The following FGGY variants were observed in gnomAD, a reference collection of about 807,000 sequenced individuals.
FGGY encodes FGGY carbohydrate kinase domain containing.
A neutral mutation model predicts 71.3 loss-of-function variants in FGGY; 72 were observed. The observed-to-expected ratio is 1.01, with a 90% CI of 0.84 to 1.23. The LOEUF is 1.23. Among genes scored for constraint, FGGY ranks in the 50% most tolerant of loss-of-function variants. FGGY has a pLI of 0.00. For missense variants in FGGY, 668 were observed against 682.3 expected, an observed-to-expected ratio of 0.98 and a Z score of 0.23; for synonymous variants, 251 against 250.3, an observed-to-expected ratio of 1.00 and a Z score of -0.02.
chr1:59,674,289 A>T (rs1023307568), intron 14 of FGGY, among the ~76,000 whole-genome samples, 156 bp downstream of exon 14: 18 of 152,144 alleles, frequency 1.2e-4, no homozygotes, highest in African/African-American at 4.3e-4. Context: ...AGCCTCAGAC[A>T]TATTTATTGC....
intron 4 of FGGY, among the ~76,000 whole-genome samples, chr1:59,374,683 A>G (rs1210682607): frequency 6.6e-6 from 1 of 152,146 alleles, no homozygotes; most frequent in Non-Finnish European, 1.5e-5. Context: ...GACTGGATTA[A>G]GAAAATGTGG....
intron 2 of FGGY, 46 bp downstream of exon 2, chr1:59,321,796 C>A: frequency 1.3e-6 from 2 of 1,556,888 alleles, no homozygotes; most frequent in Non-Finnish European, 1.7e-6. Context: ...TTCCTACCTG[C>A]TGAGTGTCGT....
intron 11 of FGGY, among the ~76,000 whole-genome samples, chr1:59,645,215 G>A (rs906706674): frequency 8.5e-5 from 13 of 152,220 alleles, no homozygotes; most frequent in African/African-American, 2.7e-4. Flanking sequence ...TCATGAGGAA[G>A]CAGGAGTGGC....
At chr1:59,589,016 C>G (rs1023318423) in intron 8 of FGGY, among the ~76,000 whole-genome samples, 2 of 152,108 alleles carry the variant, frequency 1.3e-5, no homozygotes, top group African/African-American at 2.4e-5. Context: ...AGAGTCAAGA[C>G]CCATCAGTGT....
chr1:59,669,085 T>C (rs1269419362), intron 13 of FGGY, among the ~76,000 whole-genome samples: 1 of 151,916 alleles, frequency 6.6e-6, no homozygotes, highest in Non-Finnish European at 1.5e-5. Context: ...GCACCTACTA[T>C]GTGTCAGTGT....
chr1:59,536,205 C>G (rs148426290), intron 7 of FGGY, among the ~76,000 whole-genome samples: 5 of 151,210 alleles, frequency 3.3e-5, no homozygotes, highest in Admixed American at 6.6e-5. Flanking sequence ...AAACACCTCT[C>G]TGCAAATAAA....
intron 1 of FGGY, among the ~76,000 whole-genome samples, chr1:59,312,722 G>C (rs1003085312): frequency 2.0e-5 from 3 of 152,156 alleles, no homozygotes; most frequent in Non-Finnish European, 4.4e-5. Context: ...CCAAGTTTGG[G>C]TTTTATGTTT....
intron 12 of FGGY, among the ~76,000 whole-genome samples, chr1:59,663,051 G>A (rs2097291895): frequency 1.3e-5 from 2 of 151,944 alleles, no homozygotes; most frequent in South Asian, 2.1e-4. Context: ...GAGGCAAACA[G>A]GAGGGACCAA....
rs113997663 is a variant in FGGY, at chr1:59,626,015, G to T, written c.1039G>T (p.Ala347Ser). 2.0e-4 allele frequency: 322 copies of T among 1,613,514 alleles called. No individual in the cohort carries two copies. The African/African-American group carries it at 3.9e-3, about 19-fold the overall frequency. The change falls in exon 10 of 16, where the codon GCT becomes TCT. Residue 347 changes from alanine to serine, a missense_variant. By Grantham distance (99) the Ala-to-Ser change is moderately conservative (BLOSUM62 1). This residue lies in a region of FGGY where 661 missense variants were observed against 661.6 expected (regional missense o/e 1.00). Transcript: ENST00000303721. ...LIDHMVQGHAAFPELQVKATA... is the reference protein window; with the variant it reads ...LIDHMVQGHASFPELQVKATA... ...AGACCACATGGTACAAGGCCATGCT[G>T]CTTTTCCAGAACTACAAGTAAAGGC...
chr1:59,365,098 T>G (rs2056344157), intron 4 of FGGY, among the ~76,000 whole-genome samples: 1 of 152,196 alleles, frequency 6.6e-6, no homozygotes, highest in South Asian at 2.1e-4. Flanking sequence ...AGGAGACATG[T>G]CTCAGAGGAG....
At chr1:59,626,856 A>G (rs76366699) in intron 10 of FGGY, 1 of 149,308 alleles carries the variant, frequency 6.7e-6, no homozygotes, top group African/African-American at 2.4e-5. Flanking sequence ...CTCCGTCTCA[A>G]AAAAAAAAAA....
chr1:59,591,927 A>C (rs1367000459), intron 8 of FGGY, among the ~76,000 whole-genome samples: 1 of 152,218 alleles, frequency 6.6e-6, no homozygotes. Context: ...ACAAAAGCCA[A>C]AATTGACAAA....
At chr1:59,404,153 C>T (rs751056189) in intron 5 of FGGY, among the ~76,000 whole-genome samples, 7 of 151,896 alleles carry the variant, frequency 4.6e-5, no homozygotes, top group Non-Finnish European at 1.0e-4. Flanking sequence ...TTTTTACTTT[C>T]CAGGTAAAAA....
intron 14 of FGGY, among the ~76,000 whole-genome samples, chr1:59,726,355 T>A (rs990637888): frequency 1.3e-5 from 2 of 152,084 alleles, no homozygotes; most frequent in Admixed American, 1.3e-4. Context: ...ATATTTTGCA[T>A]CTATATTCAT....
intron 14 of FGGY, among the ~76,000 whole-genome samples, chr1:59,679,700 A>T (rs978855607): frequency 2.0e-5 from 3 of 151,962 alleles, no homozygotes; most frequent in Non-Finnish European, 4.4e-5. Context: ...TATACTTTTA[A>T]ATTACAAAAT....
chr1:59,532,051 C>T (rs944841662), intron 7 of FGGY, among the ~76,000 whole-genome samples: 34 of 152,222 alleles, frequency 2.2e-4, no homozygotes, highest in African/African-American at 7.5e-4. Flanking sequence ...AACAAAGCCA[C>T]AGAAAAGTCC....
intron 6 of FGGY, among the ~76,000 whole-genome samples, chr1:59,484,212 C>G (rs2093590412): frequency 6.6e-6 from 1 of 152,058 alleles, no homozygotes; most frequent in African/African-American, 2.4e-5. Flanking sequence ...TGCTTTTTAC[C>G]AGTAAATTAG....
chr1:59,633,369 T>A (rs1180242597), intron 10 of FGGY, among the ~76,000 whole-genome samples: 1 of 152,174 alleles, frequency 6.6e-6, no homozygotes, highest in African/African-American at 2.4e-5. Context: ...CTCAGGGCAT[T>A]GGGGTCTTCT....
intron 12 of FGGY, 128 bp from the exon 13 acceptor site, chr1:59,667,155 C>A: frequency 1.7e-6 from 2 of 1,178,950 alleles, no homozygotes; most frequent in Non-Finnish European, 2.5e-6. Flanking sequence ...CTCTGTGAGT[C>A]TCAGCTTTCT....
Sources: allele counts gnomAD v4.1 joint callset (sites outside exome capture counted in the v4.1 genomes callset), GRCh38; gene constraint gnomAD v4.1.1; regional missense constraint gnomAD v4.1.1; transcripts MANE v1.5; gene names NCBI Gene and HGNC (gene_info 2026-07-23, HGNC 2026-07-21).